The following PACS2 variants were observed in gnomAD, a reference collection of about 807,000 sequenced individuals.
The protein encoded by PACS2 is phosphofurin acidic cluster sorting protein 2.
Under a neutral mutation model 113.0 loss-of-function variants are expected in PACS2, and 36 were observed. That is an observed-to-expected ratio of 0.32 (90% CI 0.24 to 0.42). The LOEUF is 0.42. PACS2 is among the 10% of genes least tolerant of loss of function. The pLI, the probability that PACS2 is intolerant of heterozygous loss-of-function variation, is 1.00. For missense variants in PACS2, 1,015 were observed against 1,239.5 expected (o/e 0.82, Z 2.72); for synonymous variants, 589 against 536.1 (o/e 1.10, Z -1.36).
chr14:105,397,498 G>C lies in PACS2; in HGVS notation c.*2826G>C, dbSNP rs1209924492. On this transcript the variant is annotated 3_prime_UTR_variant, in exon 25 of 25. Coordinates refer to ENST00000447393, the MANE Select transcript of PACS2 (RefSeq NM_001100913.3). ...ACCACCGAGGCACCCCTCAGGCCTG[G>C]TGGCCACTGTCCACTATTACGTAGA... The C allele has an allele frequency of 6.6e-6, 1 of 152,250 alleles. No individual in the cohort carries two copies. The highest frequency in any genetic ancestry group is 1.5e-5 in the Non-Finnish European group (1 of 68,112). The allele number at this position is 152,250 out of a possible 1,614,324, so 9.4% of individuals were successfully genotyped here.
intron 2 of PACS2, among the ~76,000 whole-genome samples, chr14:105,351,170 C>T (rs1318170840): frequency 1.3e-5 from 2 of 152,260 alleles, no homozygotes; most frequent in Non-Finnish European, 2.9e-5. Context: ...CCTGGGACCC[C>T]GCAGCGGCTG....
chr14:105,325,140 C>A (rs1463934504), intron 1 of PACS2, among the ~76,000 whole-genome samples: 4 of 148,590 alleles, frequency 2.7e-5, no homozygotes, highest in Admixed American at 6.6e-5. Flanking sequence ...GTGTCCCAGC[C>A]CTGAGGGCAC....
At chr14:105,384,049 A>G in intron 16 of PACS2, 1 of 394,776 alleles carries the variant, frequency 2.5e-6, no homozygotes, top group Non-Finnish European at 4.6e-6. Context: ...GGCCCTCACG[A>G]TGCCGACGTC....
rs587613558 is a variant in PACS2, at chr14:105,357,691, C to T, written c.423+2514C>T. ...GGCGGGACAGCCCCGAGGGCACAGA[C>T]GGACACAGGTGGCAGAGGTGGGGGG... is the stretch of plus-strand genomic sequence containing the variant. On this transcript the variant is annotated intron_variant, in intron 4 of 24. Transcript: ENST00000447393. The surrounding 1 kb of genome is among the most constrained non-coding windows in gnomAD (Gnocchi z 5.1). 8.7e-4 allele frequency among the ~76,000 whole-genome samples: 132 copies of T among 152,266 alleles called. No individual in the cohort carries two copies. The highest frequency in any genetic ancestry group is 2.8e-3 in the African/African-American group (117 of 41,546).
At chr14:105,321,310 T>C (rs115234713) in intron 1 of PACS2, among the ~76,000 whole-genome samples, 52 of 150,418 alleles carry the variant, frequency 3.5e-4, no homozygotes, top group African/African-American at 1.2e-3. Context: ...TAAAATCTTA[T>C]AATCTGAGAA....
intron 4 of PACS2, among the ~76,000 whole-genome samples, chr14:105,363,412 C>A (rs2141113479): frequency 6.6e-6 from 1 of 152,348 alleles, no homozygotes; most frequent in African/African-American, 2.4e-5. Flanking sequence ...GCTGCAGCTT[C>A]TCCGTCAGCA....
Position 105,365,641 on chromosome 14 carries a change from C to T in PACS2, c.424-1572C>T, listed in dbSNP as rs587768034. 2.0e-4 allele frequency among the ~76,000 whole-genome samples: 31 copies of T among 152,316 alleles called. No homozygotes were observed. The highest frequency in any genetic ancestry group is 1.4e-3 in the Admixed American group (22 of 15,298). ...GTTGGTATGAGCAGGTGCAGCACCA[C>T]CTGAGCCCCACCTTGATTCCTCCGG... On this transcript the variant is annotated intron_variant, in intron 4 of 24. Transcript: ENST00000447393. This position sits in a 1 kb window ranked among gnomAD's most constrained non-coding sequence, Gnocchi z 5.1.
intron 1 of PACS2, among the ~76,000 whole-genome samples, chr14:105,301,638 C>A (rs1027425300): frequency 6.6e-6 from 1 of 152,244 alleles, no homozygotes; most frequent in South Asian, 2.1e-4. Flanking sequence ...CAGAGCCTCC[C>A]CGTGCGCCCC....
rs782584970 is a variant in PACS2, at chr14:105,368,104, TCTC to T, written c.622_624del (p.Ser208del). On this transcript the variant is annotated inframe_deletion, in exon 6 of 25. Transcript: ENST00000447393. ...TACTCCGAGGAGGAGTATGAGAGCTTCTCCTCCGAGCAGGAGGCCAGTGACGAC... is the reference window on the plus strand; with the variant it reads ...TACTCCGAGGAGGAGTATGAGAGCTTCTCCGAGCAGGAGGCCAGTGACGAC... 3.1e-6 allele frequency: 5 copies of T among 1,611,094 alleles called. No homozygotes were observed. Among genetic ancestry groups the T allele is most frequent in the South Asian group, 2.2e-5 (2 of 91,046 alleles).
upstream of PACS2, among the ~76,000 whole-genome samples, chr14:105,309,947 G>T (rs916082071): frequency 6.6e-6 from 1 of 151,558 alleles, no homozygotes; most frequent in African/African-American, 2.4e-5. This position sits in a 1 kb window ranked among gnomAD's most constrained non-coding sequence, Gnocchi z 4.0. Context: ...CACCACACCC[G>T]ACTAATTTTT....
At chr14:105,332,381 G>A (rs1420359326) in intron 1 of PACS2, among the ~76,000 whole-genome samples, 5 of 152,196 alleles carry the variant, frequency 3.3e-5, no homozygotes, top group Non-Finnish European at 5.9e-5. Context: ...TTTGCCTGGT[G>A]CCCGTGATAT....
chr14:105,314,963 G>T lies in PACS2; in HGVS notation c.45G>T (p.Ala15=). Residue 15 remains alanine (A), a synonymous_variant, in exon 1 of 25, where the codon GCG becomes GCT. Coordinates refer to ENST00000447393, the MANE Select transcript of PACS2 (RefSeq NM_001100913.3). ...GRLGLPGAPG[A]LNTPVPMNLF... ...TCGGCCTCCCCGGCGCGCCCGGCGC[G>T]CTCAACACGCCCGTGCCCATGAACC... is the stretch of plus-strand genomic sequence containing the variant. 2 of 1,202,372 alleles carry T rather than the reference G, an allele frequency of 1.7e-6. No homozygotes were observed. The highest frequency in any genetic ancestry group is 2.1e-6 in the Non-Finnish European group (2 of 948,172). 74.5% of individuals were successfully genotyped at this position (1,202,372 alleles called of 1,614,324 possible). A position where few individuals can be genotyped will look rare whatever the true frequency, so the allele number is the denominator to read the frequency against.
At position 105,376,917 on chromosome 14, in the gene PACS2, G is replaced by A. The variant is rs587691097; in HGVS notation, c.951G>A (p.Pro317=). 2.1e-5 allele frequency: 33 copies of A among 1,608,214 alleles called. No homozygotes were observed. The South Asian group carries it at 2.5e-4, about 12-fold the overall frequency. ...DDDSVLSTPK[P]KLRPYFEGLS... is the part of the protein sequence containing the mutation. ...ACAGCGTCCTCAGCACCCCCAAGCC[G>A]AAGCTGCGGTGAGCCCTACAGGGCG... Residue 317 remains proline, a synonymous_variant, in exon 9 of 25, where the codon CCG becomes CCA. Transcript: ENST00000447393. The surrounding 1 kb of genome is among the most constrained non-coding windows in gnomAD (Gnocchi z 4.7).
At chr14:105,336,906 G>T (rs587709909) in intron 1 of PACS2, among the ~76,000 whole-genome samples, 1 of 152,136 alleles carries the variant, frequency 6.6e-6, no homozygotes, top group Non-Finnish European at 1.5e-5. Context: ...GAGCACTGAC[G>T]CAGGGCCTCC....
Position 105,384,438 on chromosome 14 carries a change from C to T in PACS2, c.1866C>T (p.Phe622=). ...AGGACCTGGCCTGGAGAGACCTGTT[C>T]AACAAGCTGGAGGCCCAGAGTGCGG... is the stretch of plus-strand genomic sequence containing the variant. ...FFQDLAWRDL[F]NKLEAQSAVQ... is the part of the protein sequence containing the mutation. Residue 622 remains phenylalanine, a synonymous_variant, in exon 17 of 25, where the codon TTC becomes TTT. Coordinates refer to ENST00000447393, the MANE Select transcript of PACS2 (RefSeq NM_001100913.3). 1.9e-6 allele frequency: 3 copies of T among 1,611,612 alleles called. No homozygotes were observed. Among genetic ancestry groups the T allele is most frequent in the East Asian group, 2.2e-5 (1 of 44,852 alleles).
chr14:105,342,279 T>TGAGA (rs149088527), intron 1 of PACS2, among the ~76,000 whole-genome samples: 1 of 151,092 alleles, frequency 6.6e-6, no homozygotes, highest in African/African-American at 2.4e-5. Flanking sequence ...TGTCTATGTG[T>TGAGA]GAGAGAGAGA....
chr14:105,375,710 A>C (rs1555410253), intron 8 of PACS2, among the ~76,000 whole-genome samples: 2 of 152,190 alleles, frequency 1.3e-5, no homozygotes, highest in Admixed American at 1.3e-4. Context: ...GGGGGAATGT[A>C]AGGTGGTGTG....
At chr14:105,387,578 G>A in intron 19 of PACS2, among the ~76,000 whole-genome samples, 1 of 152,226 alleles carries the variant, frequency 6.6e-6, no homozygotes, top group Non-Finnish European at 1.5e-5. Flanking sequence ...GGGTCTCAGT[G>A]TCCAGCCGGT....
At position 105,382,812 on chromosome 14, in the gene PACS2, C is replaced by A; in HGVS notation, c.1524C>A (p.Leu508=). The part of the protein sequence containing the change: ...VNTSDWQGQF[L]SDVLQRHTLP... The stretch of plus-strand genomic sequence containing the variant: ...GTCTGCCTGTCTTCTGCCAGTTCCT[C>A]TCCGACGTCCTGCAGAGGCACACGC... The change falls in exon 15 of 25, where the codon CTC becomes CTA. Residue 508 remains leucine, a synonymous_variant. Coordinates refer to ENST00000447393, the MANE Select transcript of PACS2 (RefSeq NM_001100913.3). 2 of 1,592,226 alleles carry A rather than the reference C, an allele frequency of 1.3e-6. No individual in the cohort carries two copies. Among genetic ancestry groups the A allele is most frequent in the South Asian group, 1.1e-5 (1 of 90,500 alleles).
Sources: gnomAD v4.1 joint callset for allele counts (sites outside exome capture counted in the v4.1 genomes callset) on GRCh38, gnomAD v4.1.1 for gene constraint, Gnocchi (gnomAD v3.1) non-coding constraint, MANE v1.5 for transcripts, NCBI Gene and HGNC (gene_info 2026-07-23, HGNC 2026-07-21) for gene names.